The following PDS5A variants were observed in gnomAD, a reference collection of about 807,000 sequenced individuals.
The protein encoded by PDS5A is PDS5 cohesin associated factor A, also known as sister chromatid cohesion protein PDS5 homolog A.
Under a neutral mutation model 167.1 loss-of-function variants are expected in PDS5A, and 42 were observed. That is an observed-to-expected ratio of 0.25 (90% CI 0.20 to 0.33). The LOEUF (loss-of-function observed/expected upper bound fraction) is 0.33, where lower values mean the gene tolerates loss of function less well. Ranked by LOEUF, PDS5A falls within the 10% of genes least tolerant of loss-of-function variation. PDS5A has a pLI of 1.00. For synonymous variants in PDS5A, 553 were observed against 554.6 expected (o/e 1.00, Z 0.04); for missense variants, 1,033 against 1,605.9 (o/e 0.64, Z 6.10).
chr4:39,861,330 C>G (rs917795755), intron 26 of PDS5A, among the ~76,000 whole-genome samples: 11 of 151,982 alleles, frequency 7.2e-5, no homozygotes, highest in African/African-American at 2.7e-4. Flanking sequence ...TGGTGGCAGG[C>G]ACCTGTAGTC....
intron 28 of PDS5A, chr4:39,846,415 T>C (rs1184166488): frequency 1.3e-5 from 2 of 152,260 alleles, no homozygotes. Context: ...GGAGAATCGC[T>C]TGAACTCGGG....
In PDS5A at chr4:39,861,991, G is replaced by C. The variant is rs555978837; in HGVS notation, c.3086+228C>G. Among the ~76,000 whole-genome samples the C allele has an allele frequency of 3.9e-5, 6 of 152,086 alleles. No individual in the cohort carries two copies. In the South Asian group the frequency reaches 1.2e-3, roughly 32 times the overall value. On this transcript the variant is annotated intron_variant, in intron 26 of 32. Transcript: ENST00000303538. ...GATAACCAAACTAACCTATTTCAAAGACTTAGATAGCTTAACTAGCTGCAA... is the reference window on the plus strand; with the variant it reads ...GATAACCAAACTAACCTATTTCAAACACTTAGATAGCTTAACTAGCTGCAA...
chr4:39,905,686 A>T (rs1195692097), intron 11 of PDS5A, among the ~76,000 whole-genome samples: 1 of 152,192 alleles, frequency 6.6e-6, no homozygotes, highest in Non-Finnish European at 1.5e-5. Context: ...ACTCAGCAGA[A>T]ACAGAGATAA....
intron 32 of PDS5A, among the ~76,000 whole-genome samples, chr4:39,826,251 A>G (rs1055819611): frequency 6.6e-5 from 10 of 150,902 alleles, no homozygotes; most frequent in African/African-American, 2.2e-4. Context: ...GAAGCACAGG[A>G]GAGTGGGACA....
chr4:39,970,403 C>T (rs1257863145), intron 2 of PDS5A, among the ~76,000 whole-genome samples: 4 of 148,920 alleles, frequency 2.7e-5, no homozygotes, highest in Admixed American at 6.7e-5. Flanking sequence ...TTATTGTCAA[C>T]GAAGCTTCAA....
chr4:39,836,743 C>T (rs1325069564), intron 32 of PDS5A, among the ~76,000 whole-genome samples: 6 of 148,712 alleles, frequency 4.0e-5, no homozygotes, highest in South Asian at 2.1e-4. Flanking sequence ...GGATTACAGG[C>T]GAGAGTCACT....
intron 2 of PDS5A, among the ~76,000 whole-genome samples, chr4:39,944,424 T>A (rs1395360254): frequency 6.6e-6 from 1 of 151,994 alleles, no homozygotes; most frequent in Non-Finnish European, 1.5e-5. Flanking sequence ...CGGGGCACAG[T>A]GGCTCACACC....
At chr4:39,918,406 C>T (rs928881758) in intron 7 of PDS5A, among the ~76,000 whole-genome samples, 7 of 151,150 alleles carry the variant, frequency 4.6e-5, no homozygotes, top group East Asian at 1.9e-4. Flanking sequence ...AGGCCAAGAG[C>T]GCAAATTAAA....
intron 4 of PDS5A, among the ~76,000 whole-genome samples, chr4:39,926,514 G>A (rs1253326436): frequency 1.5e-5 from 2 of 130,154 alleles, no homozygotes; most frequent in African/African-American, 5.4e-5. Context: ...GTGAAACTAC[G>A]TCTCAAAAAA....
At chr4:39,907,627 C>T (rs1223626389) in intron 11 of PDS5A, among the ~76,000 whole-genome samples, 1 of 150,642 alleles carries the variant, frequency 6.6e-6, no homozygotes, top group African/African-American at 2.4e-5. Context: ...CGCTTTGTCA[C>T]CCAGGCTGGA....
At chr4:39,905,102 C>G (rs557233179) in intron 11 of PDS5A, among the ~76,000 whole-genome samples, 1 of 152,006 alleles carries the variant, frequency 6.6e-6, no homozygotes, top group Non-Finnish European at 1.5e-5. Flanking sequence ...ACTTGGGGAA[C>G]TGACTACCCA....
At chr4:39,923,031 A>T (rs567488311) in intron 5 of PDS5A, among the ~76,000 whole-genome samples, 9 of 152,176 alleles carry the variant, frequency 5.9e-5, no homozygotes, top group East Asian at 3.9e-4. Flanking sequence ...ACTTTTTTTT[A>T]AAAAGAAAAG....
chr4:39,898,664 T>C (rs1722624222), intron 15 of PDS5A, 113 bp downstream of exon 15: 3 of 934,058 alleles, frequency 3.2e-6, no homozygotes, highest in South Asian at 1.8e-5. Flanking sequence ...GAAACAAAAT[T>C]AAGATAAAGA....
intron 30 of PDS5A, among the ~76,000 whole-genome samples, chr4:39,842,902 C>A (rs1323576469): frequency 1.1e-4 from 3 of 28,246 alleles, no homozygotes; most frequent in South Asian, 1.6e-3. Flanking sequence ...GTAAACTTAT[C>A]CTATTTTTAT....
At chr4:39,901,268 T>TTC (rs1174418455) in intron 13 of PDS5A, among the ~76,000 whole-genome samples, 4 of 125,578 alleles carry the variant, frequency 3.2e-5, no homozygotes, top group South Asian at 2.5e-4. Context: ...TTTTCTTTCT[T>TTC]TTTTTTTTTT....
intron 2 of PDS5A, among the ~76,000 whole-genome samples, chr4:39,975,753 CAAG>C (rs199543808): frequency 0.013 from 2,007 of 152,228 alleles, 18 homozygotes; most frequent in Non-Finnish European, 0.019. Context: ...GCTGTTCCTA[CAAG>C]AAGAATATTA....
At chr4:39,865,488 GGGC>G (rs1719355538) in intron 23 of PDS5A, among the ~76,000 whole-genome samples, 1 of 152,108 alleles carries the variant, frequency 6.6e-6, no homozygotes, top group Non-Finnish European at 1.5e-5. Flanking sequence ...CAGCTAGCCT[GGGC>G]AACATAGTGA....
intron 32 of PDS5A, among the ~76,000 whole-genome samples, chr4:39,828,336 T>C (rs956005646): frequency 3.9e-5 from 6 of 152,242 alleles, no homozygotes; most frequent in African/African-American, 1.4e-4. Context: ...CAGGAGAATT[T>C]TGCATATCTT....
intron 23 of PDS5A, among the ~76,000 whole-genome samples, chr4:39,863,732 C>A (rs894496293): frequency 2.0e-5 from 3 of 152,204 alleles, no homozygotes; most frequent in African/African-American, 7.2e-5. Context: ...AACCCAAAAA[C>A]TCTGCTTATT....
Sources: allele counts gnomAD v4.1 joint callset (sites outside exome capture counted in the v4.1 genomes callset), GRCh38; gene constraint gnomAD v4.1.1; transcripts MANE v1.5; gene names NCBI Gene and HGNC (gene_info 2026-07-23, HGNC 2026-07-21).